Variants in COG5 observed in about 807,000 individuals in gnomAD.
COG5 encodes the protein conserved oligomeric Golgi complex subunit 5.
COG5 carries 86 observed loss-of-function variants against 110.4 expected under a neutral mutation model. The observed-to-expected ratio is 0.78, with a 90% CI of 0.65 to 0.93. The LOEUF is 0.93. Among genes scored for constraint, COG5 ranks in the 40% least tolerant of loss-of-function variants. COG5 has a pLI of 0.00. For missense variants in COG5, 1,077 were observed against 987.0 expected (o/e 1.09, Z -1.22); for synonymous variants, 360 against 334.6 (o/e 1.08, Z -0.83).
chr7:107,233,265 T>A (rs952183341), intron 18 of COG5, among the ~76,000 whole-genome samples: 12 of 152,168 alleles, frequency 7.9e-5, no homozygotes, highest in Admixed American at 6.5e-5. Context: ...AGATTCAGAA[T>A]CAGCAGAACC....
At chr7:107,327,003 C>T (rs2129028782) in intron 10 of COG5, among the ~76,000 whole-genome samples, 1 of 152,070 alleles carries the variant, frequency 6.6e-6, no homozygotes, top group South Asian at 2.1e-4. Context: ...AAGGGAGATC[C>T]TATCTCTAAA....
intron 11 of COG5, among the ~76,000 whole-genome samples, chr7:107,310,739 TAAGAC>T (rs1433364934): frequency 4.6e-5 from 7 of 152,020 alleles, no homozygotes; most frequent in African/African-American, 1.4e-4. Context: ...GTGCTAACAC[TAAGAC>T]ATCCCAAAAG....
chr7:107,460,300 G>T (rs1795908569), intron 6 of COG5, among the ~76,000 whole-genome samples: 1 of 152,066 alleles, frequency 6.6e-6, no homozygotes, highest in South Asian at 2.1e-4. Context: ...CTACTTGGAA[G>T]GGTGAGGTGG....
rs934187968 is a variant in COG5 at position 107,203,753 on chromosome 7, C to T, written c.2376-123G>A. 4.3e-6 allele frequency: 3 copies of T among 694,376 alleles called. No individual in the cohort carries two copies. In the African/African-American group the frequency reaches 5.3e-5, roughly 12 times the overall value. The allele number at this position is 694,376 out of a possible 1,614,324, so 43.0% of individuals were successfully genotyped here. ...CTGGAACTGTTAATGCTCGGTTTCA[C>T]AAGCCAAGTGACCAACAGCCTTCAC... On this transcript the variant is annotated intron_variant, in intron 21 of 21. Transcript: ENST00000297135.
intron 7 of COG5, among the ~76,000 whole-genome samples, chr7:107,375,808 C>G (rs1214987869): frequency 6.6e-6 from 1 of 151,824 alleles, no homozygotes; most frequent in Non-Finnish European, 1.5e-5. Context: ...AAAAGAAATT[C>G]CTAATTTGAA....
rs760336072 is a variant in COG5, at chr7:107,527,310, AC to A, written c.464del (p.Ser155IlefsTer15). On this transcript the variant is annotated frameshift_variant, in exon 6 of 22. Transcript: ENST00000297135. LOFTEE classifies it high-confidence loss of function. ...LRRIIRILNL[S>X]KRLQGQLQGG... ...CTTGCAGTTGTCCTTGGAGTCTCTT[AC>A]TGAGATTCAAGATACGAATAATCCT... 8 of 1,612,972 alleles carry A rather than the reference AC, an allele frequency of 5.0e-6. No homozygotes were observed. The East Asian group carries it at 1.8e-4, about 36-fold the overall frequency.
chr7:107,511,242 T>C (rs898854508), intron 6 of COG5, among the ~76,000 whole-genome samples: 1 of 152,090 alleles, frequency 6.6e-6, no homozygotes, highest in Non-Finnish European at 1.5e-5. Context: ...AAATACAAAC[T>C]ACCATCACAG....
chr7:107,296,683 T>C (rs1196725443), intron 12 of COG5, among the ~76,000 whole-genome samples: 10 of 151,608 alleles, frequency 6.6e-5, no homozygotes, highest in African/African-American at 2.4e-4. Flanking sequence ...GTAGCTGGGA[T>C]TACAAGCATG....
At chr7:107,489,582 C>T (rs949365456) in intron 6 of COG5, among the ~76,000 whole-genome samples, 2 of 151,976 alleles carry the variant, frequency 1.3e-5, no homozygotes, top group Non-Finnish European at 2.9e-5. Context: ...AACAAGTTCA[C>T]CCATTGTTAA....
At chr7:107,253,132 T>A (rs554240396) in intron 16 of COG5, 19 of 152,140 alleles carry the variant, frequency 1.2e-4, no homozygotes, top group Admixed American at 1.0e-3. Flanking sequence ...AAGTAAGAAA[T>A]AAAAATCCCT....
At chr7:107,436,136 G>A (rs1584820651) in intron 6 of COG5, among the ~76,000 whole-genome samples, 1 of 152,244 alleles carries the variant, frequency 6.6e-6, no homozygotes. Context: ...GACAGAAGTT[G>A]GGAAGGATGG....
intron 16 of COG5, among the ~76,000 whole-genome samples, chr7:107,252,320 A>T (rs1245729876): frequency 6.6e-6 from 1 of 152,198 alleles, no homozygotes; most frequent in African/African-American, 2.4e-5. Context: ...AATACCTTCA[A>T]CATCACAAAG....
rs1792942308 is a variant in COG5, at chr7:107,417,481, A to G, written c.539-4849T>C. Among the ~76,000 whole-genome samples, 4 of 152,288 alleles carry G rather than the reference A, an allele frequency of 2.6e-5. No individual in the cohort carries two copies. In the South Asian group the frequency reaches 8.3e-4, roughly 32 times the overall value. ...AAATTTACTTAACCTTCAGTTTAAGATGGAATATTTGTTATCATAAATGAC... is the reference window on the plus strand; with the variant it reads ...AAATTTACTTAACCTTCAGTTTAAGGTGGAATATTTGTTATCATAAATGAC... On this transcript the variant is annotated intron_variant, in intron 6 of 21. Transcript: ENST00000297135.
intron 5 of COG5, among the ~76,000 whole-genome samples, chr7:107,544,248 C>A (rs1802257160): frequency 6.6e-6 from 1 of 151,852 alleles, no homozygotes. Flanking sequence ...GAAAGCCAGG[C>A]ATTGTGGACT....
At position 107,338,576 on chromosome 7, in the gene COG5, G is replaced by A. The variant is rs902035171; in HGVS notation, c.1027-14055C>T. Among the ~76,000 whole-genome samples, 4 of 152,196 alleles carry A rather than the reference G, an allele frequency of 2.6e-5. No homozygotes were observed. The East Asian group carries it at 7.7e-4, about 29-fold the overall frequency. ...AATAAGGAAAAGCTCCATGACACTG[G>A]ATTTGGCAATTACTTATATATGATA... On this transcript the variant is annotated intron_variant, in intron 10 of 21. Coordinates refer to ENST00000297135, the MANE Select transcript of COG5 (RefSeq NM_006348.5).
chr7:107,332,068 C>T (rs4730233), intron 10 of COG5, among the ~76,000 whole-genome samples: 23,822 of 152,006 alleles, frequency 0.16, 2,301 homozygotes, highest in Non-Finnish European at 0.22. Flanking sequence ...AGGATGGTCT[C>T]GAACTCCTGA....
At position 107,563,873 on chromosome 7, in the gene COG5, G is replaced by T. The variant is rs371081089; in HGVS notation, c.24C>A (p.Val8=). MEGGGGS[V]AVAGLGARGS... ...CTCGAGCTCCGAGGCCAGCTACAGC[G>T]ACGCTGCCGCCGCCACCTTCCATGT... Residue 8 remains valine (V), a synonymous_variant, in exon 1 of 22, where the codon GTC becomes GTA. Coordinates refer to ENST00000297135, the MANE Select transcript of COG5 (RefSeq NM_006348.5). 9.9e-6 allele frequency: 16 copies of T among 1,613,388 alleles called. No individual in the cohort carries two copies. The highest frequency in any genetic ancestry group is 9.3e-5 in the African/African-American group (7 of 74,924).
intron 12 of COG5, among the ~76,000 whole-genome samples, chr7:107,293,620 C>T (rs565183265): frequency 3.0e-3 from 463 of 152,252 alleles, no homozygotes; most frequent in Middle Eastern, 0.014. Flanking sequence ...TTTAGTTGTC[C>T]TCCTATCTCA....
At chr7:107,489,752 G>C (rs1466490015) in intron 6 of COG5, among the ~76,000 whole-genome samples, 1 of 152,126 alleles carries the variant, frequency 6.6e-6, no homozygotes, top group African/African-American at 2.4e-5. Context: ...AAGGGCATAT[G>C]TATTCAACAA....
Sources: allele counts gnomAD v4.1 joint callset (sites outside exome capture counted in the v4.1 genomes callset), GRCh38; gene constraint gnomAD v4.1.1; transcripts MANE v1.5; gene names NCBI Gene and HGNC (gene_info 2026-07-23, HGNC 2026-07-21).